Variants in SYTL3 observed in about 807,000 individuals in gnomAD.
SYTL3 encodes the protein synaptotagmin like 3.
Under a neutral mutation model 82.1 loss-of-function variants are expected in SYTL3, and 88 were observed. That is an observed-to-expected ratio of 1.07 (90% CI 0.90 to 1.28). The LOEUF (loss-of-function observed/expected upper bound fraction) is 1.28, where lower values mean the gene tolerates loss of function less well. Ranked by LOEUF, SYTL3 falls within the 50% of genes most tolerant of loss-of-function variation. The pLI is 0.00. For synonymous variants in SYTL3, 311 were observed against 289.4 expected (o/e 1.07, Z -0.76); for missense variants, 831 against 757.6 (o/e 1.10, Z -1.14).
chr6:158,751,766 T>A (rs557987466), intron 12 of SYTL3, among the ~76,000 whole-genome samples, 162 bp from the exon 13 acceptor site: 10 of 152,322 alleles, frequency 6.6e-5, no homozygotes, highest in Admixed American at 5.9e-4. Context: ...AGCACTAACG[T>A]TGCTCACTAT....
chr6:158,739,833 C>G (rs1008918389), intron 11 of SYTL3, among the ~76,000 whole-genome samples: 1 of 152,120 alleles, frequency 6.6e-6, no homozygotes, highest in East Asian at 1.9e-4. Flanking sequence ...CTCTTATACT[C>G]TTTATTTTTC....
chr6:158,751,373 G>T (rs996350531), intron 12 of SYTL3, among the ~76,000 whole-genome samples: 1 of 152,142 alleles, frequency 6.6e-6, no homozygotes, highest in African/African-American at 2.4e-5. Flanking sequence ...CTTCCTCTCC[G>T]CCTGGATTTC....
At chr6:158,756,499 C>T (rs1789088841) in intron 13 of SYTL3, among the ~76,000 whole-genome samples, 1 of 152,094 alleles carries the variant, frequency 6.6e-6, no homozygotes, top group African/African-American at 2.4e-5. Context: ...CATTTGAGGT[C>T]AGGAGTTCGA....
At chr6:158,749,507 C>CTTTTTTTTTTTTTT (rs765386344) in intron 12 of SYTL3, among the ~76,000 whole-genome samples, 1 of 66,022 alleles carries the variant, frequency 1.5e-5, no homozygotes, top group Non-Finnish European at 2.8e-5. Context: ...TTCTTTCTCT[C>CTTTTTTTTTTTTTT]TTTTTTTTTT....
intron 13 of SYTL3, among the ~76,000 whole-genome samples, chr6:158,753,546 T>C (rs910583592): frequency 3.3e-5 from 5 of 149,898 alleles, no homozygotes; most frequent in East Asian, 4.1e-4. Flanking sequence ...CTGGCTAACA[T>C]GGTGAAACCC....
chr6:158,671,162 G>C (rs989030072), intron 5 of SYTL3, among the ~76,000 whole-genome samples: 2 of 152,078 alleles, frequency 1.3e-5, no homozygotes, highest in African/African-American at 4.8e-5. Context: ...GGAATGTTTT[G>C]ACAATAGTGT....
At chr6:158,718,957 G>A (rs1290142764) in intron 10 of SYTL3, among the ~76,000 whole-genome samples, 1 of 152,162 alleles carries the variant, frequency 6.6e-6, no homozygotes, top group East Asian at 1.9e-4. Context: ...CTGTCCTTTA[G>A]GCGAGGGTGT....
At chr6:158,752,469 G>C (rs1441870306) in intron 13 of SYTL3, among the ~76,000 whole-genome samples, 1 of 152,116 alleles carries the variant, frequency 6.6e-6, no homozygotes, top group African/African-American at 2.4e-5. Context: ...ACAAACTCAG[G>C]TTTCTTCTAA....
chr6:158,761,048 T>C (rs981832726), intron 15 of SYTL3, among the ~76,000 whole-genome samples: 1 of 152,054 alleles, frequency 6.6e-6, no homozygotes, highest in Non-Finnish European at 1.5e-5. Context: ...GGGGAAACCG[T>C]GGCCCCTCCT....
chr6:158,713,817 G>A lies in SYTL3; in HGVS notation c.534G>A (p.Gln178=). 1.3e-6 allele frequency: 2 copies of A among 1,549,860 alleles called. No homozygotes were observed. Among genetic ancestry groups the A allele is most frequent in the South Asian group, 2.4e-5 (2 of 84,026 alleles). Reference sequence around the variant, plus strand: ...TGTTTTAGTTACAGGAATTTGGTCAGTTTAGAGGATTTAATAAGTCCGTGG... The same window carrying A: ...TGTTTTAGTTACAGGAATTTGGTCAATTTAGAGGATTTAATAAGTCCGTGG... The part of the protein sequence containing the change: ...RSPGRLQEFG[Q]FRGFNKSVEN... The change falls in exon 9 of 18, where the codon CAG becomes CAA. Residue 178 remains glutamine (Q), a synonymous_variant. Coordinates refer to ENST00000611299, the MANE Select transcript of SYTL3 (RefSeq NM_001242394.2).
In SYTL3 at chr6:158,725,812, A is replaced by G. The variant is rs528435851; in HGVS notation, c.855+175A>G. ...CTTAAAGGCTTCCACAGGTTTTAGT[A>G]AAGTTGCGTTATCCTCAGGCCTGTG... On this transcript the variant is annotated intron_variant, in intron 11 of 17. Coordinates refer to ENST00000611299, the MANE Select transcript of SYTL3 (RefSeq NM_001242394.2). 1.2e-4 allele frequency: 110 copies of G among 902,626 alleles called. 3 individuals carry two copies. The South Asian group carries it at 1.3e-3, about 10-fold the overall frequency. The allele number at this position is 902,626 out of a possible 1,614,324, so 55.9% of individuals were successfully genotyped here. A position where few individuals can be genotyped will look rare whatever the true frequency, so the allele number is the denominator to read the frequency against.
rs1036571990 is a variant in SYTL3 at position 158,752,019 on chromosome 6, G to A, written c.1126G>A (p.Glu376Lys). Residue 376 changes from glutamate (E) to lysine (K), a missense_variant, in exon 13 of 18, where the codon GAG becomes AAG. Physicochemically the swap from Glu to Lys is moderately conservative, Grantham distance 56. Coordinates refer to ENST00000611299, the MANE Select transcript of SYTL3 (RefSeq NM_001242394.2). ...QRNTVDPTFQETLKYQVAPAQ... is the reference protein window; with the variant it reads ...QRNTVDPTFQKTLKYQVAPAQ... ...GAACACCGTGGACCCGACCTTTCAGGAGACCTTGAAGGTACTTGCTGGACA... is the reference window on the plus strand; with the variant it reads ...GAACACCGTGGACCCGACCTTTCAGAAGACCTTGAAGGTACTTGCTGGACA... The A allele has an allele frequency of 2.5e-6, 4 of 1,595,978 alleles. No individual in the cohort carries two copies. In the African/African-American group the frequency reaches 5.4e-5, roughly 22 times the overall value.
intron 11 of SYTL3, among the ~76,000 whole-genome samples, chr6:158,739,854 TCTC>T (rs1786698685): frequency 6.6e-6 from 1 of 152,106 alleles, no homozygotes; most frequent in African/African-American, 2.4e-5. Flanking sequence ...ATTCATTTTT[TCTC>T]CTCTGTGCTT....
rs532895700 is a variant in SYTL3, at chr6:158,761,342, A to G, written c.1414+597A>G. On this transcript the variant is annotated intron_variant, in intron 15 of 17. Transcript: ENST00000611299. ...TTTTGAGACAGAGTTTTGCTCTGTC[A>G]CCCAGGCTGGAGTGCAGTGGCCCGA... 4.1e-5 allele frequency among the ~76,000 whole-genome samples: 5 copies of G among 122,590 alleles called. No homozygotes were observed. The East Asian group carries it at 6.4e-4, about 16-fold the overall frequency. 80.4% of individuals were successfully genotyped at this position (122,590 alleles called of 152,430 possible).
At chr6:158,710,415 T>G (rs968978074) in intron 8 of SYTL3, among the ~76,000 whole-genome samples, 7 of 151,974 alleles carry the variant, frequency 4.6e-5, no homozygotes, top group African/African-American at 1.7e-4. Flanking sequence ...AATACAGATG[T>G]ACAAAAAGGA....
intron 5 of SYTL3, among the ~76,000 whole-genome samples, chr6:158,672,101 G>GCT (rs1777450815): frequency 1.2e-4 from 18 of 152,052 alleles, no homozygotes; most frequent in African/African-American, 4.1e-4. Flanking sequence ...GACCAGCCTG[G>GCT]GCAACACAGT....
intron 6 of SYTL3, among the ~76,000 whole-genome samples, chr6:158,685,185 T>C (rs1288308874): frequency 9.9e-5 from 15 of 151,282 alleles, no homozygotes; most frequent in Admixed American, 9.9e-4. Context: ...TTTTCTCTGT[T>C]TTTATTGCTT....
chr6:158,727,446 C>T (rs1263078221), intron 11 of SYTL3, among the ~76,000 whole-genome samples: 1 of 152,188 alleles, frequency 6.6e-6, no homozygotes, highest in African/African-American at 2.4e-5. Flanking sequence ...GCTGAGATTA[C>T]AGGCATGAGC....
In SYTL3 at chr6:158,679,480, C is replaced by G. The variant is rs370841043; in HGVS notation, c.330-3445C>G. Among the ~76,000 whole-genome samples the G allele has an allele frequency of 4.8e-4, 73 of 152,146 alleles. 1 individual carries two copies. The highest frequency in any genetic ancestry group is 1.7e-3 in the African/African-American group (70 of 41,494). On this transcript the variant is annotated intron_variant, in intron 5 of 17. Coordinates refer to ENST00000611299, the MANE Select transcript of SYTL3 (RefSeq NM_001242394.2). Reference sequence around the variant, plus strand: ...ATTTTGCAAGAAAGGGTAATGGACACCCGGGCCAAACCTAGTATTCAAAGC... The same window carrying G: ...ATTTTGCAAGAAAGGGTAATGGACAGCCGGGCCAAACCTAGTATTCAAAGC...
Sources: allele counts gnomAD v4.1 joint callset (sites outside exome capture counted in the v4.1 genomes callset), GRCh38; gene constraint gnomAD v4.1.1; transcripts MANE v1.5; gene names NCBI Gene and HGNC (gene_info 2026-07-23, HGNC 2026-07-21).